FBXL2: variants seen among roughly 807,000 people sequenced by gnomAD.
FBXL2 encodes the protein F-box/LRR-repeat protein 2.
Under a neutral mutation model 69.2 loss-of-function variants are expected in FBXL2, and 38 were observed. That is an observed-to-expected ratio of 0.55 (90% CI 0.42 to 0.72). FBXL2 has a LOEUF of 0.72. Among genes scored for constraint, FBXL2 ranks in the 30% least tolerant of loss-of-function variants. The probability of loss-of-function intolerance (pLI) is 0.00; values close to 1 mark genes in which losing one functional copy is unlikely to be tolerated. For missense variants in FBXL2, 354 were observed against 520.3 expected (o/e 0.68, Z 3.11); for synonymous variants, 192 against 201.3 (o/e 0.95, Z 0.39).
intron 2 of FBXL2, among the ~76,000 whole-genome samples, chr3:33,319,032 C>T (rs1255748966): frequency 6.6e-6 from 1 of 152,174 alleles, no homozygotes; most frequent in Admixed American, 6.5e-5. Context: ...TTGTAAAGCA[C>T]GAATCCCAGG....
At chr3:33,396,354 A>T in intron 12 of FBXL2, 1 of 1,096,860 alleles carries the variant, frequency 9.1e-7, no homozygotes, top group Non-Finnish European at 1.3e-6. Flanking sequence ...TGACAACTAC[A>T]GGAATCTAAG....
At chr3:33,357,846 T>G (rs527362459) in intron 2 of FBXL2, among the ~76,000 whole-genome samples, 2 of 152,312 alleles carry the variant, frequency 1.3e-5, no homozygotes, top group East Asian at 3.9e-4. Context: ...ACTGAATCTT[T>G]TAAAGTCAGT....
At chr3:33,287,100 C>T (rs571533833) in intron 1 of FBXL2, among the ~76,000 whole-genome samples, 2 of 152,308 alleles carry the variant, frequency 1.3e-5, no homozygotes, top group Non-Finnish European at 2.9e-5. Context: ...TCTTCTGCAT[C>T]GCTCACGCTG....
At chr3:33,354,873 G>A (rs955168095) in intron 2 of FBXL2, among the ~76,000 whole-genome samples, 1 of 152,188 alleles carries the variant, frequency 6.6e-6, no homozygotes, top group African/African-American at 2.4e-5. Flanking sequence ...GACAAATTTA[G>A]AAATATTGTT....
At position 33,377,328 on chromosome 3, in the gene FBXL2, G is replaced by C. The variant is rs2042705325; in HGVS notation, c.844G>C (p.Ala282Pro). ...GACTGACGCAGGTTTTACACTTTTA[G>C]CTCGGGTAAGGCATAGATTTAAAGA... ...HLTDAGFTLL[A>P]RNCHELEKMD... is the part of the protein sequence containing the mutation. The change falls in exon 11 of 15, where the codon GCT (alanine) becomes CCT (proline). Residue 282 changes from alanine to proline, a missense_variant. By Grantham distance (27) the Ala-to-Pro change is conservative. Transcript: ENST00000484457. 6.2e-7 allele frequency: 1 copy of C among 1,613,982 alleles called. No homozygotes were observed. Among genetic ancestry groups the C allele is most frequent in the Admixed American group, 1.7e-5 (1 of 60,000 alleles).
At chr3:33,321,174 G>A (rs1186630242) in intron 2 of FBXL2, among the ~76,000 whole-genome samples, 1 of 151,864 alleles carries the variant, frequency 6.6e-6, no homozygotes, top group African/African-American at 2.4e-5. Flanking sequence ...GCCAGGCATG[G>A]TGGCACATAC....
Position 33,277,471 on chromosome 3 carries a change from C to A in FBXL2, c.-42C>A. 2 of 1,274,854 alleles carry A rather than the reference C, an allele frequency of 1.6e-6. No homozygotes were observed. The highest frequency in any genetic ancestry group is 2.0e-6 in the Non-Finnish European group (2 of 1,003,114). 79.0% of individuals were successfully genotyped at this position (1,274,854 alleles called of 1,614,324 possible). ...CCAGGACAACGGGCGTCGCCGGCGC[C>A]GTGTGACTTCGGGCTGTGGGCTCGC... On this transcript the variant is annotated 5_prime_UTR_variant, in exon 1 of 15. Transcript: ENST00000484457.
intron 1 of FBXL2, among the ~76,000 whole-genome samples, chr3:33,284,553 CTA>C (rs1437923895): frequency 6.6e-6 from 1 of 152,170 alleles, no homozygotes; most frequent in Non-Finnish European, 1.5e-5. Flanking sequence ...CTGTAGATGT[CTA>C]TTAGGTCCGC....
Position 33,384,174 on chromosome 3 carries a change from T to C in FBXL2, c.1137T>C (p.Val379=). ...TCGAGCTGTACGACTGCCAGCAGGT[T>C]ACCCGTGCAGGCATCAAGCGGATGC... ...ERLELYDCQQ[V]TRAGIKRMRA... is the part of the protein sequence containing the mutation. The change falls in exon 14 of 15, where the codon GTT becomes GTC. Residue 379 remains valine, a synonymous_variant. Transcript: ENST00000484457. 1.2e-6 allele frequency: 2 copies of C among 1,614,174 alleles called. No homozygotes were observed. The highest frequency in any genetic ancestry group is 1.7e-6 in the Non-Finnish European group (2 of 1,180,024).
chr3:33,396,017 C>T (rs923397383), intron 12 of FBXL2: 12 of 610,140 alleles, frequency 2.0e-5, no homozygotes, highest in Admixed American at 5.5e-5. Flanking sequence ...AGAGCTGCCA[C>T]CTCTCATTGC....
At chr3:33,328,870 T>G (rs1303563308) in intron 2 of FBXL2, among the ~76,000 whole-genome samples, 1 of 150,686 alleles carries the variant, frequency 6.6e-6, no homozygotes, top group African/African-American at 2.4e-5. Flanking sequence ...AAAGCAAAAA[T>G]AGACAATTGG....
At chr3:33,361,504 CT>C (rs1007929420) in intron 4 of FBXL2, among the ~76,000 whole-genome samples, 7 of 151,576 alleles carry the variant, frequency 4.6e-5, no homozygotes, top group Non-Finnish European at 7.4e-5. Context: ...GAGTGGGGCC[CT>C]GTCTCAAAAA....
chr3:33,416,785 C>T, the FBXL2 span: 1 of 1,613,484 alleles, frequency 6.2e-7, no homozygotes, highest in African/African-American at 1.3e-5. Context: ...TGATCTCAGG[C>T]ATATCACCCA....
chr3:33,291,610 G>C (rs572399619), intron 1 of FBXL2, among the ~76,000 whole-genome samples: 2 of 151,982 alleles, frequency 1.3e-5, no homozygotes, highest in South Asian at 4.1e-4. Flanking sequence ...ACAAGCAGGG[G>C]AAGTCAAGTG....
At position 33,342,541 on chromosome 3, in the gene FBXL2, C is replaced by T. The variant is rs2040111278; in HGVS notation, c.66-16426C>T. 2.0e-5 allele frequency among the ~76,000 whole-genome samples: 3 copies of T among 151,374 alleles called. 1 individual carries two copies. The South Asian group carries it at 6.2e-4, about 31-fold the overall frequency. ...TTACTGTGTTTATTTTAAATACGGC[C>T]ATTCTGAACCAACACTCTAAGCATT... On this transcript the variant is annotated intron_variant, in intron 2 of 14. Coordinates refer to ENST00000484457, the MANE Select transcript of FBXL2 (RefSeq NM_012157.5).
intron 2 of FBXL2, among the ~76,000 whole-genome samples, chr3:33,314,137 A>G (rs1014217533): frequency 6.6e-6 from 1 of 152,050 alleles, no homozygotes; most frequent in Admixed American, 6.6e-5. Flanking sequence ...GAAATATTTA[A>G]TTGATAAATA....
intron 2 of FBXL2, 57 bp from the exon 3 acceptor site, chr3:33,358,910 A>C: frequency 2.7e-6 from 3 of 1,113,324 alleles, no homozygotes; most frequent in African/African-American, 1.6e-5. Flanking sequence ...TTCAAGTTAT[A>C]ATTATCCTGA....
At chr3:33,422,579 G>C in the FBXL2 span, among the ~76,000 whole-genome samples, 1 of 151,902 alleles carries the variant, frequency 6.6e-6, no homozygotes, top group Non-Finnish European at 1.5e-5. Context: ...TTAAAAATTT[G>C]CCAGGCATGG....
At chr3:33,356,205 T>C (rs1033960942) in intron 2 of FBXL2, among the ~76,000 whole-genome samples, 1 of 152,152 alleles carries the variant, frequency 6.6e-6, no homozygotes, top group African/African-American at 2.4e-5. Flanking sequence ...CATTTATTAT[T>C]ATCAGTTAAG....
Sources: gnomAD v4.1 joint callset for allele counts (sites outside exome capture counted in the v4.1 genomes callset) on GRCh38, gnomAD v4.1.1 for gene constraint, MANE v1.5 for transcripts, NCBI Gene and HGNC (gene_info 2026-07-23, HGNC 2026-07-21) for gene names.